Variants in DAB2IP observed in about 807,000 individuals in gnomAD.
DAB2IP encodes the protein DAB2 interacting protein.
DAB2IP carries 28 observed loss-of-function variants against 107.2 expected under a neutral mutation model. The ratio of observed to expected loss-of-function variants is 0.26; its 90% CI spans 0.19 to 0.36. The LOEUF (loss-of-function observed/expected upper bound fraction) is 0.36, where lower values mean the gene tolerates loss of function less well. Among genes scored for constraint, DAB2IP ranks in the 10% least tolerant of loss-of-function variants. The pLI is 1.00. For synonymous variants in DAB2IP, 755 were observed against 706.4 expected (o/e 1.07, Z -1.09); for missense variants, 1,400 against 1,644.7 (o/e 0.85, Z 2.57).
upstream of DAB2IP, among the ~76,000 whole-genome samples, chr9:121,648,114 G>T (rs12554639): frequency 6.6e-6 from 1 of 151,864 alleles, no homozygotes; most frequent in Non-Finnish European, 1.5e-5. Flanking sequence ...GGGTGGAAAG[G>T]GGGTGAAGGA....
At chr9:121,739,803 A>G (rs967685615) in intron 3 of DAB2IP, among the ~76,000 whole-genome samples, 2 of 152,126 alleles carry the variant, frequency 1.3e-5, no homozygotes. Flanking sequence ...TGCTGGAGGT[A>G]TTTAGAGCTA....
intron 1 of DAB2IP, among the ~76,000 whole-genome samples, chr9:121,670,315 G>A (rs1448545582): frequency 2.0e-5 from 3 of 152,208 alleles, no homozygotes; most frequent in Non-Finnish European, 4.4e-5. Context: ...TATGACTGCT[G>A]TAACAAGTTA....
upstream of DAB2IP, among the ~76,000 whole-genome samples, chr9:121,650,007 G>T (rs188452047): frequency 1.2e-3 from 187 of 152,264 alleles, no homozygotes; most frequent in African/African-American, 4.2e-3. Flanking sequence ...TGTGTGTGTG[G>T]TTTTTTTGTT....
At chr9:121,646,111 G>C (rs1279043245) in intron 1 of DAB2IP, among the ~76,000 whole-genome samples, 1 of 152,160 alleles carries the variant, frequency 6.6e-6, no homozygotes, top group African/African-American at 2.4e-5. Flanking sequence ...GTCCACGCTT[G>C]ACTGGTCCCC....
chr9:121,592,284 T>C (rs1204523066), intron 1 of DAB2IP, among the ~76,000 whole-genome samples: 1 of 151,956 alleles, frequency 6.6e-6, no homozygotes, highest in Non-Finnish European at 1.5e-5. Context: ...GAGAATCACT[T>C]GAACCCTGGA....
intron 1 of DAB2IP, among the ~76,000 whole-genome samples, chr9:121,641,269 G>C (rs911744628): frequency 6.6e-6 from 1 of 152,202 alleles, no homozygotes; most frequent in Non-Finnish European, 1.5e-5. Flanking sequence ...TCACTCCCAA[G>C]GGGATTTGAG....
chr9:121,632,324 C>G (rs73546137), intron 1 of DAB2IP, among the ~76,000 whole-genome samples: 5,006 of 152,296 alleles, frequency 0.033, 286 homozygotes, highest in African/African-American at 0.11. Flanking sequence ...TCTGGACACG[C>G]CATAGCTCTG....
intron 3 of DAB2IP, among the ~76,000 whole-genome samples, chr9:121,742,537 A>G (rs1178586191): frequency 1.3e-5 from 2 of 152,226 alleles, no homozygotes; most frequent in African/African-American, 4.8e-5. Flanking sequence ...TGAGACGCAG[A>G]CAGTCCAGTC....
intron 1 of DAB2IP, among the ~76,000 whole-genome samples, chr9:121,619,284 C>T (rs1441011676): frequency 1.3e-5 from 2 of 152,150 alleles, no homozygotes; most frequent in African/African-American, 4.8e-5. Context: ...GTAGCTGGGA[C>T]TGCAGGTACG....
rs544396642 is a variant in DAB2IP at position 121,782,093 on chromosome 9, G to T, written c.3403-238G>T. On this transcript the variant is annotated intron_variant, in intron 15 of 15. Transcript: ENST00000408936. This position sits in a 1 kb window ranked among gnomAD's most constrained non-coding sequence, Gnocchi z 6.1. ...AGCAAGGGTGCCTGCCCTAGGGGCC[G>T]CAGGCAGCCCATAGACAGCACTAGA... 3.3e-5 allele frequency among the ~76,000 whole-genome samples: 5 copies of T among 152,114 alleles called. No homozygotes were observed. The highest frequency in any genetic ancestry group is 5.9e-5 in the Non-Finnish European group (4 of 68,010).
intron 2 of DAB2IP, among the ~76,000 whole-genome samples, chr9:121,697,483 G>A (rs112357877): frequency 5.9e-5 from 9 of 152,196 alleles, no homozygotes; most frequent in Non-Finnish European, 1.0e-4. Context: ...TCACGCAGAG[G>A]TGCAGGCCTC....
intron 2 of DAB2IP, among the ~76,000 whole-genome samples, chr9:121,694,369 T>C (rs1829314088): frequency 6.6e-6 from 1 of 152,192 alleles, no homozygotes; most frequent in Non-Finnish European, 1.5e-5. Context: ...CAAGGATTCC[T>C]GATAACAGGC....
chr9:121,654,238 A>C (rs1832881479), intron 1 of DAB2IP, among the ~76,000 whole-genome samples: 1 of 151,344 alleles, frequency 6.6e-6, no homozygotes, highest in South Asian at 2.1e-4. Flanking sequence ...GGTATTGAGA[A>C]TAGAGTTCCT....
chr9:121,781,883 G>T (rs778870873), intron 15 of DAB2IP, among the ~76,000 whole-genome samples: 1 of 152,154 alleles, frequency 6.6e-6, no homozygotes, highest in East Asian at 1.9e-4. Flanking sequence ...TGGGGCTCTC[G>T]TTCACAACTA....
chr9:121,762,685 TC>T (rs148103202), intron 6 of DAB2IP, among the ~76,000 whole-genome samples: 6,021 of 152,230 alleles, frequency 0.04, 228 homozygotes, highest in African/African-American at 0.091. Flanking sequence ...GCCCTGACTG[TC>T]ACCCTCCCTT....
At chr9:121,774,362 C>G in exon 13 of DAB2IP, 1 of 1,613,098 alleles carries the variant, frequency 6.2e-7, no homozygotes, top group South Asian at 1.1e-5. Context: ...CCCAGACCCC[C>G]CCCACAGGGA....
upstream of DAB2IP, among the ~76,000 whole-genome samples, chr9:121,647,807 A>G (rs1446294843): frequency 2.7e-5 from 4 of 149,328 alleles, no homozygotes; most frequent in Non-Finnish European, 4.5e-5. Context: ...ATATACCCAT[A>G]TATACACATA....
rs1375506537 is a variant in DAB2IP, at chr9:121,772,282, AAGG to A, written c.2079-319_2079-317del. Among the ~76,000 whole-genome samples, 7 of 152,146 alleles carry A rather than the reference AAGG, an allele frequency of 4.6e-5. No individual in the cohort carries two copies. The highest frequency in any genetic ancestry group is 1.4e-4 in the African/African-American group (6 of 41,444). ...CTGAGTTGTGGCTTAGGGCTTAGCT[AAGG>A]AGGAGTTTTCCAGAGCAAGCCAGGC... On this transcript the variant is annotated intron_variant, in intron 11 of 15. Transcript: ENST00000408936. The surrounding 1 kb of genome is among the most constrained non-coding windows in gnomAD (Gnocchi z 4.7).
intron 1 of DAB2IP, among the ~76,000 whole-genome samples, chr9:121,610,462 G>A (rs541807728): frequency 1.3e-5 from 2 of 152,276 alleles, no homozygotes; most frequent in East Asian, 3.9e-4. Flanking sequence ...CAGAGAGGAG[G>A]AGTGACTTGC....
Sources: gnomAD v4.1 joint callset for allele counts (sites outside exome capture counted in the v4.1 genomes callset) on GRCh38, gnomAD v4.1.1 for gene constraint, Gnocchi (gnomAD v3.1) non-coding constraint, MANE v1.5 for transcripts, NCBI Gene and HGNC (gene_info 2026-07-23, HGNC 2026-07-21) for gene names.